Variants in CIBAR2 observed in about 807,000 individuals in gnomAD.
CIBAR2 encodes the protein CBY1 interacting BAR domain containing 2.
A neutral mutation model predicts 36.2 loss-of-function variants in CIBAR2; 38 were observed. The observed-to-expected ratio is 1.05, with a 90% CI of 0.81 to 1.38. The LOEUF (loss-of-function observed/expected upper bound fraction) is 1.38, where lower values mean the gene tolerates loss of function less well. CIBAR2 is among the 40% of genes most tolerant of loss of function. CIBAR2 has a pLI of 0.00. For missense variants in CIBAR2, 481 were observed against 383.4 expected (o/e 1.25, Z -2.13); for synonymous variants, 182 against 149.5 (o/e 1.22, Z -1.58).
Position 85,100,167 on chromosome 16 carries a change from G to A in CIBAR2, c.725C>T (p.Pro242Leu), listed in dbSNP as rs1177143805. 7.4e-6 allele frequency: 12 copies of A among 1,611,258 alleles called. No individual in the cohort carries two copies. Among genetic ancestry groups the A allele is most frequent in the Non-Finnish European group, 1.0e-5 (12 of 1,179,076 alleles). The change falls in exon 8 of 9, where the codon CCA (proline) becomes CTA (leucine). Residue 242 changes from proline to leucine, a missense_variant. Physicochemically the swap from Pro to Leu is moderately conservative, Grantham distance 98. Coordinates refer to ENST00000539556, the MANE Select transcript of CIBAR2 (RefSeq NM_198491.3). ...GCTGGCGAGAGACTGAAGAACAGAT[G>A]GAGGGGGGCTGGTGTTGGCAAGCAG... Reference protein sequence around the residue: ...TRLLANTSPPPSVLQSLASQG... With the variant: ...TRLLANTSPPLSVLQSLASQG...
At chr16:85,107,752 C>T (rs918166278) in intron 4 of CIBAR2, 80 bp from the exon 5 acceptor site, 2 of 1,592,916 alleles carry the variant, frequency 1.3e-6, no homozygotes, top group Non-Finnish European at 8.6e-7. Context: ...CAGCCCCTGC[C>T]CAGCGGGCCC....
In CIBAR2 at chr16:85,099,072, G is replaced by C. The variant is rs1459316191; in HGVS notation, c.*113C>G. 1.6e-6 allele frequency: 2 copies of C among 1,282,758 alleles called. No individual in the cohort carries two copies. The highest frequency in any genetic ancestry group is 3.1e-5 in the African/African-American group (2 of 65,290). The allele number at this position is 1,282,758 out of a possible 1,614,324, so 79.5% of individuals were successfully genotyped here. A position where few individuals can be genotyped will look rare whatever the true frequency, so the allele number is the denominator to read the frequency against. ...TTCAGAGCTTGAAGACAAGGTCTTT[G>C]AATTAACACAATCCAACAAAGACAA... On this transcript the variant is annotated 3_prime_UTR_variant, in exon 9 of 9. Coordinates refer to ENST00000539556, the MANE Select transcript of CIBAR2 (RefSeq NM_198491.3).
intron 7 of CIBAR2, 112 bp from the exon 8 acceptor site, chr16:85,100,352 A>C: frequency 6.8e-5 from 44 of 644,598 alleles, no homozygotes; most frequent in Middle Eastern, 2.5e-4. Flanking sequence ...GCTAATGCTC[A>C]TGGAACTCCA....
chr16:85,110,664 T>C (rs1389576060), intron 1 of CIBAR2, among the ~76,000 whole-genome samples: 1 of 147,968 alleles, frequency 6.8e-6, no homozygotes, highest in African/African-American at 2.5e-5. Context: ...TGGTCAGTAG[T>C]GGGCAGGAAT....
intron 2 of CIBAR2, among the ~76,000 whole-genome samples, chr16:85,109,877 T>C (rs1204523403): frequency 6.6e-6 from 1 of 152,172 alleles, no homozygotes; most frequent in Non-Finnish European, 1.5e-5. Context: ...CTGAACACCC[T>C]GCAGCCTCCT....
intron 8 of CIBAR2, among the ~76,000 whole-genome samples, 160 bp downstream of exon 8, chr16:85,099,979 C>T (rs182333545): frequency 2.0e-5 from 3 of 151,958 alleles, no homozygotes; most frequent in South Asian, 2.1e-4. Flanking sequence ...GTCAGACCCC[C>T]GGGCAGCCCT....
Position 85,098,739 on chromosome 16 carries a change from A to AACACTTGAGACTT in CIBAR2, c.*445_*446insAAGTCTCAAGTGT. 1 of 658,246 alleles carries AACACTTGAGACTT rather than the reference A, an allele frequency of 1.5e-6. No homozygotes were observed. Among genetic ancestry groups the AACACTTGAGACTT allele is most frequent in the Non-Finnish European group, 1.9e-6 (1 of 531,092 alleles). The allele number at this position is 658,246 out of a possible 1,614,324, so 40.8% of individuals were successfully genotyped here. ...ATCAGTAATGATAATGGCAGCAACA[A>AACACTTGAGACTT]GTCTCAAGTGTTTGTTGCGCAACAG... is the stretch of plus-strand genomic sequence containing the variant. On this transcript the variant is annotated 3_prime_UTR_variant, in exon 9 of 9. Coordinates refer to ENST00000539556, the MANE Select transcript of CIBAR2 (RefSeq NM_198491.3).
chr16:85,101,839 T>C (rs1481337435), intron 7 of CIBAR2, among the ~76,000 whole-genome samples: 3 of 152,024 alleles, frequency 2.0e-5, no homozygotes, highest in Non-Finnish European at 2.9e-5. Context: ...CTGGCTAATT[T>C]TGTATTTTAG....
At chr16:85,111,835 G>A (rs1312424047) in intron 1 of CIBAR2, among the ~76,000 whole-genome samples, 1 of 152,262 alleles carries the variant, frequency 6.6e-6, no homozygotes, top group Admixed American at 6.5e-5. Flanking sequence ...GGGCTACAGA[G>A]TGAGAGTCCA....
intron 7 of CIBAR2, among the ~76,000 whole-genome samples, chr16:85,100,706 T>C (rs1018541312): frequency 6.6e-6 from 1 of 152,116 alleles, no homozygotes; most frequent in Non-Finnish European, 1.5e-5. Flanking sequence ...TTCTAACAAA[T>C]GGAATATGGC....
intron 1 of CIBAR2, among the ~76,000 whole-genome samples, chr16:85,111,343 G>A (rs1234749551): frequency 1.3e-5 from 2 of 152,212 alleles, no homozygotes; most frequent in South Asian, 4.1e-4. Context: ...ATCACCATGT[G>A]AAAATGCAGT....
chr16:85,110,147 C>T, intron 2 of CIBAR2, 79 bp downstream of exon 2: 2 of 1,106,656 alleles, frequency 1.8e-6, no homozygotes, highest in Non-Finnish European at 2.6e-6. Flanking sequence ...CAGCAGGGCT[C>T]CTGCAGCCCT....
At chr16:85,103,276 T>G (rs1306458103) in intron 6 of CIBAR2, among the ~76,000 whole-genome samples, 1 of 152,146 alleles carries the variant, frequency 6.6e-6, no homozygotes, top group Non-Finnish European at 1.5e-5. Context: ...CCTCCTCGGA[T>G]GCTGAATCTG....
rs886778236 is a variant in CIBAR2 at position 85,106,016 on chromosome 16, C to G, written c.433-585G>C. Among the ~76,000 whole-genome samples the G allele has an allele frequency of 5.2e-4, 79 of 152,124 alleles. 2 individuals carry two copies. Among genetic ancestry groups the G allele is most frequent in the Non-Finnish European group, 1.5e-4 (10 of 68,028 alleles). ...TTCAGATTCCTCTTTAAAATGGGGACTTAAAACCACCTTCGTGTTTGTGAA... is the reference window on the plus strand; with the variant it reads ...TTCAGATTCCTCTTTAAAATGGGGAGTTAAAACCACCTTCGTGTTTGTGAA... On this transcript the variant is annotated intron_variant, in intron 5 of 8. Coordinates refer to ENST00000539556, the MANE Select transcript of CIBAR2 (RefSeq NM_198491.3).
chr16:85,109,218 C>G (rs887294782), intron 2 of CIBAR2, among the ~76,000 whole-genome samples: 1 of 152,146 alleles, frequency 6.6e-6, no homozygotes, highest in Non-Finnish European at 1.5e-5. Flanking sequence ...CAAGACCAGC[C>G]TGGGCCACAT....
chr16:85,102,407 G>A (rs1443466694), intron 6 of CIBAR2, 80 bp from the exon 7 acceptor site: 3 of 846,914 alleles, frequency 3.5e-6, no homozygotes, highest in East Asian at 2.4e-5. Context: ...GGCAGATGGG[G>A]TGGGGGTGTG....
At chr16:85,101,683 T>G (rs79699179) in intron 7 of CIBAR2, among the ~76,000 whole-genome samples, 1,685 of 112,514 alleles carry the variant, frequency 0.015, 17 homozygotes, top group Middle Eastern at 0.027. Context: ...TTTTGTTTTT[T>G]TTTTTTGATG....
At chr16:85,112,272 C>T (rs919989020) in intron 1 of CIBAR2, 61 bp downstream of exon 1, 48 of 1,541,596 alleles carry the variant, frequency 3.1e-5, no homozygotes, top group Non-Finnish European at 9.9e-6. Context: ...TTGTTGGTGC[C>T]CCGGGCCTCA....
At chr16:85,110,102 G>T in intron 2 of CIBAR2, 124 bp downstream of exon 2, 1 of 664,108 alleles carries the variant, frequency 1.5e-6, no homozygotes. Flanking sequence ...ATTGTCGGTG[G>T]ATGTCTCTGG....
Sources: gnomAD v4.1 joint callset for allele counts (sites outside exome capture counted in the v4.1 genomes callset) on GRCh38, gnomAD v4.1.1 for gene constraint, MANE v1.5 for transcripts, NCBI Gene and HGNC (gene_info 2026-07-23, HGNC 2026-07-21) for gene names.